The following SGF29 variants were observed in gnomAD, a reference collection of about 807,000 sequenced individuals.
SGF29 encodes SAGA complex associated factor 29, also known as SAGA-associated factor 29.
A neutral mutation model predicts 38.1 loss-of-function variants in SGF29; 15 were observed. That is an observed-to-expected ratio of 0.39 (90% CI 0.26 to 0.61). The LOEUF (loss-of-function observed/expected upper bound fraction) is 0.61, where lower values mean the gene tolerates loss of function less well. Ranked by LOEUF, SGF29 falls within the 20% of genes least tolerant of loss-of-function variation. SGF29 has a pLI of 0.49. For missense variants in SGF29, 184 were observed against 394.6 expected (o/e 0.47, Z 4.52); for synonymous variants, 151 against 160.8 (o/e 0.94, Z 0.46).
chr16:28,565,199 T>A (rs1476279194), intron 1 of SGF29, among the ~76,000 whole-genome samples: 1 of 152,090 alleles, frequency 6.6e-6, no homozygotes, highest in Non-Finnish European at 1.5e-5. Context: ...TGCCCACCCA[T>A]ATGGAGGATG....
chr16:28,564,735 A>ATG lies in SGF29; in HGVS notation c.-16+10640_-16+10641dup, dbSNP rs1333736544. ...TATATATGTATATATATACATATAT[A>ATG]TGTATATATGTATATATATGTATAT... is the stretch of plus-strand genomic sequence containing the variant. On this transcript the variant is annotated intron_variant, in intron 1 of 9. Coordinates refer to ENST00000317058, the MANE Select transcript of SGF29 (RefSeq NM_138414.3). Among the ~76,000 whole-genome samples the ATG allele has an allele frequency of 3.8e-3, 52 of 13,718 alleles. 1 individual carries two copies. Among genetic ancestry groups the ATG allele is most frequent in the Admixed American group, 1.8e-3 (2 of 1,084 alleles). 9.0% of individuals were successfully genotyped at this position (13,718 alleles called of 152,430 possible).
intron 1 of SGF29, among the ~76,000 whole-genome samples, chr16:28,568,717 A>G (rs1181216119): frequency 6.6e-6 from 1 of 152,124 alleles, no homozygotes; most frequent in Non-Finnish European, 1.5e-5. Flanking sequence ...GATCGAGACC[A>G]TCCTGGCCAA....
At chr16:28,575,179 C>G (rs961748924) in intron 1 of SGF29, among the ~76,000 whole-genome samples, 2 of 152,294 alleles carry the variant, frequency 1.3e-5, no homozygotes, top group East Asian at 3.9e-4. Context: ...TCACCACCAC[C>G]TGAGACACAG....
Position 28,564,808 on chromosome 16 carries a change from A to C in SGF29, c.-16+10711A>C, listed in dbSNP as rs200423161. ...ATATACACACACACACACACACACA[A>C]ACACACACACACACATATATATGAG... On this transcript the variant is annotated intron_variant, in intron 1 of 9. Coordinates refer to ENST00000317058, the MANE Select transcript of SGF29 (RefSeq NM_138414.3). Among the ~76,000 whole-genome samples, 37 of 134,186 alleles carry C rather than the reference A, an allele frequency of 2.8e-4. No individual in the cohort carries two copies. The South Asian group carries it at 3.0e-3, about 11-fold the overall frequency. The allele number at this position is 134,186 out of a possible 152,430, so 88.0% of individuals were successfully genotyped here. A position where few individuals can be genotyped will look rare whatever the true frequency, so the allele number is the denominator to read the frequency against.
intron 2 of SGF29, among the ~76,000 whole-genome samples, chr16:28,581,984 G>A (rs1047609198): frequency 6.6e-6 from 1 of 151,806 alleles, no homozygotes. Flanking sequence ...AGGGAGATGC[G>A]TATTGGTGCC....
intron 2 of SGF29, 37 bp downstream of exon 2, chr16:28,581,181 A>T (rs781578835): frequency 6.3e-7 from 1 of 1,580,396 alleles, no homozygotes; most frequent in South Asian, 1.1e-5. Context: ...AGATGGGAAC[A>T]TGGGCTTTGA....
chr16:28,564,673 ATGTATATATATG>A (rs1191232353), intron 1 of SGF29, among the ~76,000 whole-genome samples: 9 of 85,768 alleles, frequency 1.0e-4, no homozygotes, highest in African/African-American at 3.2e-4. Context: ...ATGCATATAT[ATGTATATATATG>A]TGTATATATA....
intron 4 of SGF29, 94 bp from the exon 5 acceptor site, chr16:28,589,006 G>A: frequency 7.4e-7 from 1 of 1,351,252 alleles, no homozygotes; most frequent in Non-Finnish European, 1.1e-6. Flanking sequence ...ACCAGCCTGG[G>A]CAATGTAGCT....
chr16:28,578,836 G>A (rs142505175), intron 1 of SGF29, among the ~76,000 whole-genome samples: 3,890 of 152,224 alleles, frequency 0.026, 73 homozygotes, highest in Non-Finnish European at 0.041. Flanking sequence ...CAGCTACTCT[G>A]GAGGCTGAGG....
intron 2 of SGF29, among the ~76,000 whole-genome samples, chr16:28,583,678 C>G (rs1456345454): frequency 6.6e-6 from 1 of 152,226 alleles, no homozygotes; most frequent in Non-Finnish European, 1.5e-5. Context: ...TTCTTCCCCA[C>G]CCCTTCTTCT....
intron 5 of SGF29, 74 bp downstream of exon 5, chr16:28,589,238 T>C: frequency 3.9e-6 from 6 of 1,519,884 alleles, no homozygotes; most frequent in Non-Finnish European, 5.5e-6. Context: ...GCAGTCACCC[T>C]CCTGTGGGGG....
At chr16:28,554,645 C>G (rs1343468224) in intron 1 of SGF29, among the ~76,000 whole-genome samples, 1 of 152,202 alleles carries the variant, frequency 6.6e-6, no homozygotes, top group African/African-American at 2.4e-5. Context: ...AAAACAGCCT[C>G]CTTCACCCTC....
intron 1 of SGF29, among the ~76,000 whole-genome samples, chr16:28,554,684 T>C (rs2046736441): frequency 6.6e-6 from 1 of 152,078 alleles, no homozygotes; most frequent in African/African-American, 2.4e-5. Context: ...CCTCCTCGGC[T>C]CCGGTTTGCA....
intron 1 of SGF29, among the ~76,000 whole-genome samples, chr16:28,564,237 C>T (rs2046806904): frequency 6.6e-6 from 1 of 151,974 alleles, no homozygotes; most frequent in South Asian, 2.1e-4. Context: ...TGAGCATCTG[C>T]GGGTGCATCT....
In SGF29 at chr16:28,564,675, G is replaced by A. The variant is rs9939725; in HGVS notation, c.-16+10578G>A. On this transcript the variant is annotated intron_variant, in intron 1 of 9. Transcript: ENST00000317058. ...TATACGTATATATATGCATATATAT[G>A]TATATATATGTGTATATATATGTAT... 2.1e-3 allele frequency among the ~76,000 whole-genome samples: 154 copies of A among 74,108 alleles called. 6 individuals carry two copies. The highest frequency in any genetic ancestry group is 6.7e-3 in the Middle Eastern group (1 of 150). The allele number at this position is 74,108 out of a possible 152,430, so 48.6% of individuals were successfully genotyped here.
intron 1 of SGF29, among the ~76,000 whole-genome samples, chr16:28,554,308 C>G (rs2151639012): frequency 6.6e-6 from 1 of 152,102 alleles, no homozygotes; most frequent in Non-Finnish European, 1.5e-5. Flanking sequence ...GGCCCTGCGC[C>G]CGGCCGCTCG....
Position 28,589,437 on chromosome 16 carries a change from C to A in SGF29, c.289+273C>A. 6 of 443,802 alleles carry A rather than the reference C, an allele frequency of 1.4e-5. No individual in the cohort carries two copies. The South Asian group carries it at 1.4e-4, about 11-fold the overall frequency. 27.5% of individuals were successfully genotyped at this position (443,802 alleles called of 1,614,324 possible). A position where few individuals can be genotyped will look rare whatever the true frequency, so the allele number is the denominator to read the frequency against. Reference sequence around the variant, plus strand: ...CTTCTGGGGCCTGGGCCAGTCGCCCCCTCCTCTGCCATGGCCCATGCCCAT... The same window carrying A: ...CTTCTGGGGCCTGGGCCAGTCGCCCACTCCTCTGCCATGGCCCATGCCCAT... On this transcript the variant is annotated intron_variant, in intron 5 of 9. Coordinates refer to ENST00000317058, the MANE Select transcript of SGF29 (RefSeq NM_138414.3).
intron 5 of SGF29, 120 bp from the exon 6 acceptor site, chr16:28,589,976 C>T (rs949451834): frequency 8.6e-6 from 12 of 1,396,684 alleles, no homozygotes; most frequent in Non-Finnish European, 1.0e-5. Flanking sequence ...CTGCTGGGCC[C>T]TCGGGCTCAC....
intron 4 of SGF29, among the ~76,000 whole-genome samples, chr16:28,587,957 G>A (rs1037436824): frequency 1.8e-4 from 27 of 151,944 alleles, no homozygotes; most frequent in Admixed American, 7.2e-4. Flanking sequence ...CCGCCACCAC[G>A]CCGGGCTAAT....
Sources: gnomAD v4.1 joint callset for allele counts (sites outside exome capture counted in the v4.1 genomes callset) on GRCh38, gnomAD v4.1.1 for gene constraint, MANE v1.5 for transcripts, NCBI Gene and HGNC (gene_info 2026-07-23, HGNC 2026-07-21) for gene names.